FRMD4A: variants seen among roughly 807,000 people sequenced by gnomAD.
FRMD4A encodes the protein FERM domain-containing protein 4A.
A neutral mutation model predicts 129.1 loss-of-function variants in FRMD4A; 29 were observed. The observed-to-expected ratio is 0.22, with a 90% confidence interval of 0.17 to 0.31. The LOEUF (loss-of-function observed/expected upper bound fraction) is 0.31. FRMD4A is among the 10% of genes least tolerant of loss of function. FRMD4A has a pLI of 1.00. For synonymous variants in FRMD4A, 634 were observed against 571.6 expected (o/e 1.11, Z -1.56); for missense variants, 1,272 against 1,375.8 (o/e 0.92, Z 1.19).
At chr10:13,991,912 T>G (rs1475192117) in intron 2 of FRMD4A, 2 of 152,240 alleles carry the variant, frequency 1.3e-5, no homozygotes, top group African/African-American at 4.8e-5. Flanking sequence ...GTTAAAAGTA[T>G]GAAAAGACAT....
At chr10:13,782,414 A>T (rs1022530956) in intron 6 of FRMD4A, among the ~76,000 whole-genome samples, 5 of 149,034 alleles carry the variant, frequency 3.4e-5, no homozygotes, top group Non-Finnish European at 5.9e-5. Context: ...CATGGATCAA[A>T]GGAATCACAT....
chr10:13,841,592 C>G (rs1470917985), intron 3 of FRMD4A, among the ~76,000 whole-genome samples: 1 of 152,198 alleles, frequency 6.6e-6, no homozygotes, highest in South Asian at 2.1e-4. Context: ...CTCAGTGGAG[C>G]CTTCCCGTTG....
chr10:13,944,984 C>G (rs553687653), intron 2 of FRMD4A, among the ~76,000 whole-genome samples: 7 of 152,276 alleles, frequency 4.6e-5, no homozygotes, highest in African/African-American at 1.7e-4. Flanking sequence ...GTCACCTAGG[C>G]AGGGATTAAC....
intron 2 of FRMD4A, among the ~76,000 whole-genome samples, chr10:14,099,617 T>TA (rs1225943916): frequency 5.9e-5 from 9 of 151,906 alleles, no homozygotes; most frequent in African/African-American, 2.2e-4. Context: ...TTTTGGTTGA[T>TA]AAAAAAAAGC....
intron 2 of FRMD4A, among the ~76,000 whole-genome samples, chr10:13,934,876 G>A (rs531171932): frequency 1.3e-5 from 2 of 152,176 alleles, no homozygotes; most frequent in South Asian, 2.1e-4. Flanking sequence ...GAAATTTATT[G>A]CTAACAGTTC....
rs747299123 is a variant in FRMD4A, at chr10:13,692,140, C to CTTTTTTTTTTTTTTTTTTTTTTTTTTTTT, written c.1117+1757_1117+1758insAAAAAAAAAAAAAAAAAAAAAAAAAAAAA. The CTTTTTTTTTTTTTTTTTTTTTTTTTTTTT allele has an allele frequency of 6.0e-5, 6 of 100,470 alleles. 3 individuals are homozygous for CTTTTTTTTTTTTTTTTTTTTTTTTTTTTT. Among genetic ancestry groups the CTTTTTTTTTTTTTTTTTTTTTTTTTTTTT allele is most frequent in the South Asian group, 6.6e-4 (2 of 3,048 alleles). 6.2% of individuals were successfully genotyped at this position (100,470 alleles called of 1,614,324 possible). A position where few individuals can be genotyped will look rare whatever the true frequency, so the allele number is the denominator to read the frequency against. ...CTTGAAGCTTATAAAATTTTAGCAGCTTTTTTTTTTTTTTTTTTTTTTTTT... is the reference window on the plus strand; with the variant it reads ...CTTGAAGCTTATAAAATTTTAGCAGCTTTTTTTTTTTTTTTTTTTTTTTTTTTTTTTTTTTTTTTTTTTTTTTTTTTTTT... On this transcript the variant is annotated intron_variant, in intron 15 of 24. Coordinates refer to ENST00000357447, the MANE Select transcript of FRMD4A (RefSeq NM_018027.5).
intron 2 of FRMD4A, among the ~76,000 whole-genome samples, chr10:14,313,170 T>C (rs758254636): frequency 9.4e-5 from 14 of 149,590 alleles, no homozygotes; most frequent in Non-Finnish European, 1.9e-4. Context: ...TTGGGCAATA[T>C]AGTGAGACCT....
chr10:14,184,926 AGTC>A (rs1842039490), intron 2 of FRMD4A, among the ~76,000 whole-genome samples: 1 of 152,194 alleles, frequency 6.6e-6, no homozygotes, highest in Admixed American at 6.5e-5. Context: ...CGACCGCTAA[AGTC>A]GTGTAGGGTG....
At chr10:13,896,093 T>G (rs2094754851) in intron 2 of FRMD4A, among the ~76,000 whole-genome samples, 1 of 152,172 alleles carries the variant, frequency 6.6e-6, no homozygotes, top group Non-Finnish European at 1.5e-5. Context: ...AGTTCAACCA[T>G]TGTGGAAGAC....
intron 2 of FRMD4A, among the ~76,000 whole-genome samples, chr10:14,028,249 T>C (rs1240580290): frequency 6.6e-6 from 1 of 152,230 alleles, no homozygotes; most frequent in African/African-American, 2.4e-5. Flanking sequence ...CTGGGGTATA[T>C]ACTGGCATAG....
At chr10:13,763,331 G>C (rs2092151177) in intron 6 of FRMD4A, among the ~76,000 whole-genome samples, 1 of 152,154 alleles carries the variant, frequency 6.6e-6, no homozygotes, top group Non-Finnish European at 1.5e-5. Flanking sequence ...ATAAAGAAAG[G>C]CTTTCTTGAA....
chr10:13,710,756 G>A (rs1430765558), intron 12 of FRMD4A: 1 of 152,304 alleles, frequency 6.6e-6, no homozygotes, highest in African/African-American at 2.4e-5. Flanking sequence ...CTCATGCCTG[G>A]AATCCCAGCA....
chr10:13,986,637 T>TA (rs1447256004), intron 2 of FRMD4A, among the ~76,000 whole-genome samples: 3 of 144,802 alleles, frequency 2.1e-5, no homozygotes, highest in African/African-American at 7.6e-5. Context: ...CCCTAAAACT[T>TA]AAAGTATAAC....
intron 2 of FRMD4A, among the ~76,000 whole-genome samples, chr10:14,042,790 G>T (rs558783960): frequency 1.8e-3 from 276 of 151,648 alleles, no homozygotes; most frequent in African/African-American, 6.2e-3. Context: ...TGGTGACACT[G>T]CACCTCTACT....
intron 18 of FRMD4A, among the ~76,000 whole-genome samples, chr10:13,665,888 C>T (rs1020363130): frequency 1.4e-4 from 22 of 152,230 alleles, no homozygotes; most frequent in Admixed American, 8.5e-4. Context: ...CAGTTTGATT[C>T]GTACAATCCC....
rs114866013 is a variant in FRMD4A, at chr10:14,025,028, C to T, written c.46-166116G>A. ...AGTTCTTTGTAGAGAACGTATCAGA[C>T]CTTGTTTTGTACACGATGACTGAAA... On this transcript the variant is annotated intron_variant, in intron 2 of 24. Coordinates refer to ENST00000357447, the MANE Select transcript of FRMD4A (RefSeq NM_018027.5). 3.9e-3 allele frequency among the ~76,000 whole-genome samples: 598 copies of T among 152,328 alleles called. 6 individuals are homozygous for T. Among genetic ancestry groups the T allele is most frequent in the African/African-American group, 0.013 (557 of 41,574 alleles).
At chr10:14,185,433 C>T (rs1032007010) in intron 2 of FRMD4A, among the ~76,000 whole-genome samples, 7 of 152,316 alleles carry the variant, frequency 4.6e-5, no homozygotes, top group South Asian at 2.1e-4. Flanking sequence ...AGAGCTAGTA[C>T]AGATGAGGAT....
intron 2 of FRMD4A, among the ~76,000 whole-genome samples, chr10:13,871,675 C>G (rs1036658785): frequency 5.3e-5 from 8 of 152,224 alleles, no homozygotes; most frequent in African/African-American, 1.4e-4. Context: ...CCAGACCTGG[C>G]CTGCAGAGAA....
chr10:13,757,805 A>G (rs1564751138), intron 8 of FRMD4A, among the ~76,000 whole-genome samples: 1 of 152,122 alleles, frequency 6.6e-6, no homozygotes. Context: ...GTGTAATGGC[A>G]CGATCTCAGC....
Sources: allele counts gnomAD v4.1 joint callset (sites outside exome capture counted in the v4.1 genomes callset), GRCh38; gene constraint gnomAD v4.1.1; transcripts MANE v1.5; gene names NCBI Gene and HGNC (gene_info 2026-07-23, HGNC 2026-07-21).